The following NCAM2 variants were observed in gnomAD, a reference collection of about 807,000 sequenced individuals.
The protein encoded by NCAM2 is N-CAM-2.
A neutral mutation model predicts 98.1 loss-of-function variants in NCAM2; 30 were observed. That is an observed-to-expected ratio of 0.31 (90% CI 0.23 to 0.41). The LOEUF (loss-of-function observed/expected upper bound fraction) is 0.41, where lower values mean the gene tolerates loss of function less well. Among genes scored for constraint, NCAM2 ranks in the 10% least tolerant of loss-of-function variants. The pLI is 1.00. For synonymous variants in NCAM2, 368 were observed against 342.4 expected (o/e 1.07, Z -0.83); for missense variants, 867 against 1,005.8 (o/e 0.86, Z 1.87).
intron 5 of NCAM2, among the ~76,000 whole-genome samples, chr21:21,301,594 T>C (rs1334098904): frequency 2.6e-5 from 3 of 114,686 alleles, no homozygotes; most frequent in Non-Finnish European, 5.1e-5. Flanking sequence ...GTCCATGTGA[T>C]CTCATTGTTC....
intron 17 of NCAM2, 140 bp downstream of exon 17, chr21:21,534,796 G>A (rs1383252034): frequency 1.1e-6 from 1 of 870,952 alleles, no homozygotes; most frequent in Non-Finnish European, 1.5e-6. Flanking sequence ...AAGTACATGT[G>A]AATATCTAAA....
intron 5 of NCAM2, among the ~76,000 whole-genome samples, chr21:21,313,656 T>C (rs1201367897): frequency 2.0e-5 from 3 of 152,152 alleles, no homozygotes; most frequent in East Asian, 3.9e-4. Flanking sequence ...CCAGTTTCTG[T>C]GTTTTTATTC....
chr21:21,092,440 A>G (rs2066032813), intron 1 of NCAM2, among the ~76,000 whole-genome samples: 2 of 152,048 alleles, frequency 1.3e-5, no homozygotes, highest in Admixed American at 6.6e-5. Flanking sequence ...TACTGAATGA[A>G]TAATATTATT....
At chr21:21,400,335 G>T (rs1006818825) in intron 9 of NCAM2, among the ~76,000 whole-genome samples, 1 of 152,144 alleles carries the variant, frequency 6.6e-6, no homozygotes, top group Non-Finnish European at 1.5e-5. Context: ...TATCATTAGG[G>T]ATCATTTCAT....
At chr21:21,517,591 C>G (rs776477557) in intron 16 of NCAM2, among the ~76,000 whole-genome samples, 94 of 152,138 alleles carry the variant, frequency 6.2e-4, no homozygotes, top group Non-Finnish European at 9.8e-4. Flanking sequence ...GGGGCGGTGG[C>G]TCACCCCCGT....
chr21:21,398,089 G>A (rs912083104), intron 9 of NCAM2, among the ~76,000 whole-genome samples: 2 of 152,160 alleles, frequency 1.3e-5, no homozygotes, highest in Admixed American at 1.3e-4. Flanking sequence ...GCCATATGAA[G>A]GAACAAAATA....
intron 1 of NCAM2, among the ~76,000 whole-genome samples, chr21:21,272,477 C>CACGCACACAT (rs1333601273): frequency 6.9e-6 from 1 of 144,638 alleles, no homozygotes; most frequent in Non-Finnish European, 1.5e-5. Flanking sequence ...CAGAAAAAAA[C>CACGCACACAT]ACGCACACAT....
chr21:21,203,739 T>C (rs1313334182), intron 1 of NCAM2, among the ~76,000 whole-genome samples: 1 of 152,172 alleles, frequency 6.6e-6, no homozygotes, highest in Non-Finnish European at 1.5e-5. Context: ...TATCAGTATT[T>C]GAAGCAGATA....
At chr21:21,164,514 C>A (rs899010782) in intron 1 of NCAM2, among the ~76,000 whole-genome samples, 1 of 152,046 alleles carries the variant, frequency 6.6e-6, no homozygotes, top group African/African-American at 2.4e-5. Flanking sequence ...TACCTTTGGT[C>A]AGATGACAGA....
intron 1 of NCAM2, among the ~76,000 whole-genome samples, chr21:21,187,468 A>AT (rs1310486036): frequency 6.6e-6 from 1 of 152,130 alleles, no homozygotes; most frequent in Non-Finnish European, 1.5e-5. Context: ...ACAACAAAAA[A>AT]GGGAAATTCT....
At chr21:21,123,930 T>C (rs1181777796) in intron 1 of NCAM2, among the ~76,000 whole-genome samples, 1 of 142,084 alleles carries the variant, frequency 7.0e-6, no homozygotes, top group East Asian at 2.3e-4. Context: ...CACTGCAAGC[T>C]CCACCTTCCG....
chr21:21,067,083 CTT>C (rs1162172552), intron 1 of NCAM2, among the ~76,000 whole-genome samples: 1 of 151,250 alleles, frequency 6.6e-6, no homozygotes, highest in Non-Finnish European at 1.5e-5. Flanking sequence ...TGCATAAACA[CTT>C]TTTTAAATTA....
chr21:21,045,510 A>G (rs34820422), intron 1 of NCAM2, among the ~76,000 whole-genome samples: 31,478 of 151,982 alleles, frequency 0.21, 3,515 homozygotes, highest in Non-Finnish European at 0.27. Context: ...ATATATGGGG[A>G]TGATGGCCCA....
At chr21:21,515,452 G>A (rs1445602688) in intron 16 of NCAM2, among the ~76,000 whole-genome samples, 2 of 152,064 alleles carry the variant, frequency 1.3e-5, no homozygotes, top group East Asian at 1.9e-4. Flanking sequence ...TAAAATACAT[G>A]TACTCATGAA....
At chr21:21,304,182 C>A (rs2073811877) in intron 5 of NCAM2, among the ~76,000 whole-genome samples, 1 of 151,894 alleles carries the variant, frequency 6.6e-6, no homozygotes, top group Admixed American at 6.6e-5. Flanking sequence ...TTGTGTAAAA[C>A]AAATATGTTA....
chr21:21,368,220 T>C (rs1233519606), intron 8 of NCAM2, among the ~76,000 whole-genome samples: 1 of 152,004 alleles, frequency 6.6e-6, no homozygotes, highest in African/African-American at 2.4e-5. Flanking sequence ...AATCTACTAA[T>C]GTAGATAACA....
At chr21:21,069,532 G>C (rs939820630) in intron 1 of NCAM2, among the ~76,000 whole-genome samples, 1 of 152,142 alleles carries the variant, frequency 6.6e-6, no homozygotes, top group Non-Finnish European at 1.5e-5. Flanking sequence ...CCACAGGTAA[G>C]TTCTAATACC....
chr21:21,295,968 G>A (rs994063476), intron 5 of NCAM2, among the ~76,000 whole-genome samples: 4 of 151,584 alleles, frequency 2.6e-5, no homozygotes, highest in African/African-American at 9.7e-5. Context: ...ACAAATTTTT[G>A]TCACCTTATT....
chr21:21,493,954 G>A (rs997429128), intron 15 of NCAM2, among the ~76,000 whole-genome samples: 9 of 151,976 alleles, frequency 5.9e-5, no homozygotes, highest in African/African-American at 2.2e-4. Context: ...AACCCTACAT[G>A]CTTAAAATAT....
Sources: gnomAD v4.1 joint callset for allele counts (sites outside exome capture counted in the v4.1 genomes callset) on GRCh38, gnomAD v4.1.1 for gene constraint, MANE v1.5 for transcripts, NCBI Gene and HGNC (gene_info 2026-07-23, HGNC 2026-07-21) for gene names.